DNAH10: variants seen among roughly 807,000 people sequenced by gnomAD.
The protein encoded by DNAH10 is dynein axonemal heavy chain 10, also known as axonemal beta dynein heavy chain 10.
A neutral mutation model predicts 506.6 loss-of-function variants in DNAH10; 348 were observed. The observed-to-expected ratio is 0.69, with a 90% CI of 0.63 to 0.75. DNAH10 has a LOEUF of 0.75. DNAH10 is among the 30% of genes least tolerant of loss of function. The probability of loss-of-function intolerance (pLI) is 0.00; values close to 1 mark genes in which losing one functional copy is unlikely to be tolerated. For synonymous variants in DNAH10, 2,059 were observed against 2,198.6 expected (o/e 0.94, Z 1.78); for missense variants, 5,179 against 5,787.1 (o/e 0.89, Z 3.41).
In DNAH10 at chr12:123,819,700, G is replaced by GTTTT. The variant is rs768231077; in HGVS notation, c.4000+469_4000+472dup. On this transcript the variant is annotated intron_variant, in intron 23 of 78. Transcript: ENST00000673944. The stretch of plus-strand genomic sequence containing the variant: ...GACAAGTTAAAAATACTAAAATTCT[G>GTTTT]TTTTTTTTTTTTTTTTTTTTTTGAG... 3.0e-4 allele frequency among the ~76,000 whole-genome samples: 31 copies of GTTTT among 101,844 alleles called. 1 individual carries two copies. The highest frequency in any genetic ancestry group is 6.4e-4 in the South Asian group (2 of 3,112). 66.8% of individuals were successfully genotyped at this position (101,844 alleles called of 152,430 possible). A position where few individuals can be genotyped will look rare whatever the true frequency, so the allele number is the denominator to read the frequency against.
rs752824139 is a variant in DNAH10 at position 123,866,073 on chromosome 12, G to A, written c.7167G>A (p.Lys2389=). ...AATGGGTTAATCAAATACCAAACAA[G>A]GTGAAATTTTTTTCTAAAATGAACT... ...WKKWVNQIPN[K]VEQYNLNSLF... The change falls in exon 41 of 79, where the codon AAG becomes AAA. Residue 2389 remains lysine, a splice_region_variant and synonymous_variant. Coordinates refer to ENST00000673944, the MANE Select transcript of DNAH10 (RefSeq NM_001372106.1). 1 of 1,598,714 alleles carries A rather than the reference G, an allele frequency of 6.3e-7. No homozygotes were observed. Among genetic ancestry groups the A allele is most frequent in the South Asian group, 1.1e-5 (1 of 88,440 alleles).
intron 27 of DNAH10, among the ~76,000 whole-genome samples, chr12:123,834,240 C>T (rs1488806902): frequency 6.6e-6 from 1 of 152,142 alleles, no homozygotes; most frequent in Admixed American, 6.5e-5. Flanking sequence ...TGGAGTCTTG[C>T]TCTGTCACCC....
In DNAH10 at chr12:123,916,394, C is replaced by G. The variant is rs1954479570; in HGVS notation, c.10723-63C>G. On this transcript the variant is annotated intron_variant, in intron 62 of 78. Transcript: ENST00000673944. This position sits in a 1 kb window ranked among gnomAD's most constrained non-coding sequence, Gnocchi z 4.6. ...CTTCCCACTTCCAAGCCATTCTCCC[C>G]TTATATTTGGCAGGGCCACAGTTAA... 1.3e-6 allele frequency: 2 copies of G among 1,550,082 alleles called. No homozygotes were observed. Among genetic ancestry groups the G allele is most frequent in the Admixed American group, 3.9e-5 (2 of 50,758 alleles).
intron 24 of DNAH10, among the ~76,000 whole-genome samples, 162 bp from the exon 25 acceptor site, chr12:123,826,525 A>G (rs374691085): frequency 2.0e-5 from 3 of 152,214 alleles, no homozygotes; most frequent in African/African-American, 7.2e-5. Context: ...TTGTTGTTTT[A>G]GATCCTTGTA....
chr12:123,917,853 C>A lies in DNAH10; in HGVS notation c.11232+40C>A, dbSNP rs906191420. 14 of 1,540,274 alleles carry A rather than the reference C, an allele frequency of 9.1e-6. No homozygotes were observed. The highest frequency in any genetic ancestry group is 2.0e-5 in the Admixed American group (1 of 50,862). On this transcript the variant is annotated intron_variant, in intron 64 of 78. Transcript: ENST00000673944. The surrounding 1 kb of genome is among the most constrained non-coding windows in gnomAD (Gnocchi z 5.6). ...GGAAGAGGCCGTGAGTCAGGCGGGG[C>A]CTGCATGCGCCGTTGGAGCGTCCAT... is the stretch of plus-strand genomic sequence containing the variant.
chr12:123,919,483 C>A lies in DNAH10; in HGVS notation c.11506+534C>A, dbSNP rs1409612184. Among the ~76,000 whole-genome samples the A allele has an allele frequency of 6.6e-6, 1 of 152,116 alleles. No homozygotes were observed. The highest frequency in any genetic ancestry group is 2.4e-5 in the African/African-American group (1 of 41,430). On this transcript the variant is annotated intron_variant, in intron 65 of 78. Coordinates refer to ENST00000673944, the MANE Select transcript of DNAH10 (RefSeq NM_001372106.1). The surrounding 1 kb of genome is among the most constrained non-coding windows in gnomAD (Gnocchi z 4.9). The stretch of plus-strand genomic sequence containing the variant: ...AGACACAATTTACATACCATAAATT[C>A]GTCCTTTAAAAATATACCATTCGGT...
At position 123,801,367 on chromosome 12, in the gene DNAH10, A is replaced by G. The variant is rs563705600; in HGVS notation, c.2549A>G (p.Asp850Gly). ...GATGCGGAGTCTGTGCTTCTCAAAG[A>G]TCATTCCCAGGAACTGCTCCGAGTG... is the stretch of plus-strand genomic sequence containing the variant. ...LNDAESVLLK[D>G]HSQELLRVFR... is the part of the protein sequence containing the mutation. The change falls in exon 16 of 79, where the codon GAT (aspartate) becomes GGT (glycine). Residue 850 changes from aspartate to glycine, a missense_variant. Physicochemically the swap from Asp to Gly is moderately conservative, Grantham distance 94. This residue lies in a region of DNAH10 where 4,844 missense variants were observed against 5,430.5 expected (regional missense o/e 0.89). Transcript: ENST00000673944. 3.1e-6 allele frequency: 5 copies of G among 1,614,216 alleles called. No homozygotes were observed. Among genetic ancestry groups the G allele is most frequent in the Admixed American group, 1.7e-5 (1 of 60,030 alleles).
At chr12:123,933,160 A>T (rs1280577680) in intron 76 of DNAH10, among the ~76,000 whole-genome samples, 171 bp from the exon 77 acceptor site, 1 of 152,226 alleles carries the variant, frequency 6.6e-6, no homozygotes, top group Non-Finnish European at 1.5e-5. Flanking sequence ...TCTACCTGGA[A>T]TGTGGCAGTC....
In DNAH10 at chr12:123,762,311, C is replaced by T; in HGVS notation, c.-26C>T. Reference sequence around the variant, plus strand: ...TTGCCACGGACGCCCGCCCTGCGCCCGGCTCCCTCTGCACTGCGCGGCGCC... The same window carrying T: ...TTGCCACGGACGCCCGCCCTGCGCCTGGCTCCCTCTGCACTGCGCGGCGCC... On this transcript the variant is annotated 5_prime_UTR_variant, in exon 1 of 79. Transcript: ENST00000673944. This position sits in a 1 kb window ranked among gnomAD's most constrained non-coding sequence, Gnocchi z 5.0. 8.1e-7 allele frequency: 1 copy of T among 1,233,892 alleles called. No homozygotes were observed. Among genetic ancestry groups the T allele is most frequent in the South Asian group, 4.1e-5 (1 of 24,656 alleles). 76.4% of individuals were successfully genotyped at this position (1,233,892 alleles called of 1,614,324 possible). A position where few individuals can be genotyped will look rare whatever the true frequency, so the allele number is the denominator to read the frequency against.
intron 27 of DNAH10, among the ~76,000 whole-genome samples, chr12:123,834,681 A>G (rs1057436429): frequency 2.0e-5 from 3 of 151,986 alleles, no homozygotes; most frequent in African/African-American, 4.8e-5. Flanking sequence ...ATTCCCTACC[A>G]TCTCCTCCCC....
chr12:123,922,301 G>A (rs982051637), intron 65 of DNAH10, among the ~76,000 whole-genome samples: 24 of 152,014 alleles, frequency 1.6e-4, no homozygotes, highest in Admixed American at 1.1e-3. Context: ...GCTTGAACCC[G>A]GGAGGCGGAG....
chr12:123,805,654 C>A (rs1379091608), intron 18 of DNAH10, among the ~76,000 whole-genome samples: 2 of 152,088 alleles, frequency 1.3e-5, no homozygotes, highest in Admixed American at 1.3e-4. Flanking sequence ...ACCGTCACGT[C>A]TATATTGTCA....
intron 51 of DNAH10, among the ~76,000 whole-genome samples, chr12:123,883,995 C>G (rs1952621149): frequency 6.6e-6 from 1 of 152,120 alleles, no homozygotes; most frequent in Admixed American, 6.5e-5. Flanking sequence ...GCAGAAGGGT[C>G]ATTTTCATGA....
chr12:123,805,773 CTTTTT>C (rs779610748), intron 18 of DNAH10, among the ~76,000 whole-genome samples: 1 of 138,706 alleles, frequency 7.2e-6, no homozygotes. Flanking sequence ...CTCTTCTTTT[CTTTTT>C]TTTTTTTTTT....
At chr12:123,868,258 C>T in intron 43 of DNAH10, 139 bp downstream of exon 43, 1 of 794,026 alleles carries the variant, frequency 1.3e-6, no homozygotes, top group Non-Finnish European at 2.0e-6. Flanking sequence ...ATGCAATGGT[C>T]AGAGCACATG....
rs755248206 is a variant in DNAH10, at chr12:123,845,864, A to G, written c.5625A>G (p.Arg1875=). The change falls in exon 31 of 79, where the codon AGA becomes AGG. Residue 1875 remains arginine (R), a synonymous_variant. Coordinates refer to ENST00000673944, the MANE Select transcript of DNAH10 (RefSeq NM_001372106.1). ...HARDIVDSFI[R]GSILEAREFD... ...GAGACATAGTTGATTCTTTCATAAG[A>G]GGCAGGTGAGCATTTTCCGGGGTCA... 2.1e-5 allele frequency: 34 copies of G among 1,613,678 alleles called. No homozygotes were observed. In the South Asian group the frequency reaches 3.6e-4, roughly 17 times the overall value.
rs1954554386 is a variant in DNAH10 at position 123,917,839 on chromosome 12, T to A, written c.11232+26T>A. On this transcript the variant is annotated intron_variant, in intron 64 of 78. Transcript: ENST00000673944. The surrounding 1 kb of genome is among the most constrained non-coding windows in gnomAD (Gnocchi z 5.6). Reference sequence around the variant, plus strand: ...GTAGCAACCACAGTGGAAGAGGCCGTGAGTCAGGCGGGGCCTGCATGCGCC... The same window carrying A: ...GTAGCAACCACAGTGGAAGAGGCCGAGAGTCAGGCGGGGCCTGCATGCGCC... 1 of 1,552,458 alleles carries A rather than the reference T, an allele frequency of 6.4e-7. No homozygotes were observed. The highest frequency in any genetic ancestry group is 1.4e-5 in the African/African-American group (1 of 73,268).
At chr12:123,814,494 T>A (rs1186717403) in intron 21 of DNAH10, among the ~76,000 whole-genome samples, 1 of 152,158 alleles carries the variant, frequency 6.6e-6, no homozygotes, top group Non-Finnish European at 1.5e-5. Flanking sequence ...AGGGTCCTGG[T>A]GTTTGAAGCA....
Position 123,848,022 on chromosome 12 carries a change from C to A in DNAH10, c.5876C>A (p.Thr1959Asn). ...CCAGCAGGAACCGGCAAAACCGAGA[C>A]CACCAAGGACCTGGCGAAAGCCTTG... ...AGPAGTGKTE[T>N]TKDLAKALGL... Residue 1959 changes from threonine to asparagine, a missense_variant, in exon 33 of 79, where the codon ACC becomes AAC. Physicochemically the swap from Thr to Asn is moderately conservative, Grantham distance 65. This residue lies in a region of DNAH10 where 4,844 missense variants were observed against 5,430.5 expected (regional missense o/e 0.89). Transcript: ENST00000673944. 1 of 1,614,002 alleles carries A rather than the reference C, an allele frequency of 6.2e-7. No individual in the cohort carries two copies. Among genetic ancestry groups the A allele is most frequent in the Non-Finnish European group, 8.5e-7 (1 of 1,179,878 alleles).
Sources: allele counts gnomAD v4.1 joint callset (sites outside exome capture counted in the v4.1 genomes callset), GRCh38; gene constraint gnomAD v4.1.1; regional missense constraint gnomAD v4.1.1; non-coding constraint Gnocchi (gnomAD v3.1); transcripts MANE v1.5; gene names NCBI Gene and HGNC (gene_info 2026-07-23, HGNC 2026-07-21).